Variants in KIAA1549 observed in about 807,000 individuals in gnomAD.
KIAA1549 encodes the protein KIAA1549.
A neutral mutation model predicts 156.4 loss-of-function variants in KIAA1549; 70 were observed. That is an observed-to-expected ratio of 0.45 (90% confidence interval 0.37 to 0.55). The LOEUF (loss-of-function observed/expected upper bound fraction) is 0.55. KIAA1549 is among the 20% of genes least tolerant of loss of function. The pLI is 0.00. For missense variants in KIAA1549, 2,428 were observed against 2,540.9 expected (o/e 0.96, Z 0.96); for synonymous variants, 1,103 against 1,066.4 (o/e 1.03, Z -0.67).
At chr7:138,863,879 T>C (rs1269647038) in intron 15 of KIAA1549, among the ~76,000 whole-genome samples, 1 of 152,194 alleles carries the variant, frequency 6.6e-6, no homozygotes. Context: ...ATTGAGAATC[T>C]GGGGCCCCAA....
chr7:138,883,297 G>A (rs981045152), intron 10 of KIAA1549, among the ~76,000 whole-genome samples: 4 of 137,506 alleles, frequency 2.9e-5, no homozygotes, highest in Non-Finnish European at 6.3e-5. Flanking sequence ...AAAGCCATTT[G>A]TTATTGTTCA....
chr7:138,861,645 A>C (rs1004810417), intron 15 of KIAA1549, among the ~76,000 whole-genome samples, 189 bp from the exon 16 acceptor site: 2 of 148,826 alleles, frequency 1.3e-5, no homozygotes, highest in African/African-American at 5.0e-5. Context: ...TGAGGCCAGG[A>C]GTTCGAGACC....
Position 138,903,571 on chromosome 7 carries a change from C to T in KIAA1549, c.3669+17G>A, listed in dbSNP as rs1428983754. 7 of 1,611,568 alleles carry T rather than the reference C, an allele frequency of 4.3e-6. No individual in the cohort carries two copies. In the African/African-American group the frequency reaches 8.0e-5, roughly 18 times the overall value. ...TCTCCCTCTCTCTCCTTCCCCTCCT[C>T]CTTTGATGTGGAGTACCTGCACCAC... On this transcript the variant is annotated intron_variant, in intron 8 of 19. Coordinates refer to ENST00000422774, the MANE Select transcript of KIAA1549 (RefSeq NM_001164665.2).
At chr7:138,896,197 A>C (rs916568073) in intron 9 of KIAA1549, among the ~76,000 whole-genome samples, 4 of 152,236 alleles carry the variant, frequency 2.6e-5, no homozygotes, top group Non-Finnish European at 5.9e-5. Context: ...CTTAGTTTTC[A>C]TGGGCAGGGA....
At chr7:138,894,571 C>A in intron 9 of KIAA1549, 45 bp from the exon 10 acceptor site, 1 of 1,587,462 alleles carries the variant, frequency 6.3e-7, no homozygotes, top group Non-Finnish European at 8.6e-7. Context: ...CTTCTTCACT[C>A]ATGCACTAGA....
chr7:138,974,282 A>G (rs893411155), intron 1 of KIAA1549, among the ~76,000 whole-genome samples: 39 of 152,068 alleles, frequency 2.6e-4, no homozygotes, highest in Middle Eastern at 3.4e-3. Flanking sequence ...TTAACCCTTC[A>G]GTCACTGGAT....
Position 138,918,723 on chromosome 7 carries a change from C to T in KIAA1549, c.903G>A (p.Leu301=), listed in dbSNP as rs759660071. ...GCTGTGAGACCTCCCCCAAGGAGGG[C>T]AACGGTATAGTAATGCCGTCGCCTA... ...QPLGDGITIP[L]PSLGEVSQPP... is the part of the protein sequence containing the mutation. Residue 301 remains leucine, a synonymous_variant, in exon 2 of 20, where the codon TTG becomes TTA. Coordinates refer to ENST00000422774, the MANE Select transcript of KIAA1549 (RefSeq NM_001164665.2). The surrounding 1 kb of genome is among the most constrained non-coding windows in gnomAD (Gnocchi z 4.2). 4.2e-5 allele frequency: 68 copies of T among 1,613,736 alleles called. No homozygotes were observed. Among genetic ancestry groups the T allele is most frequent in the Non-Finnish European group, 5.5e-5 (65 of 1,179,890 alleles).
chr7:138,961,091 G>A (rs1000957995), intron 1 of KIAA1549, among the ~76,000 whole-genome samples: 22 of 152,326 alleles, frequency 1.4e-4, no homozygotes, highest in African/African-American at 4.3e-4. Flanking sequence ...ACTTGGATCC[G>A]GGTGACGGCC....
At chr7:138,839,238 G>T (rs969406160) in intron 19 of KIAA1549, among the ~76,000 whole-genome samples, 1 of 152,116 alleles carries the variant, frequency 6.6e-6, no homozygotes, top group East Asian at 1.9e-4. Context: ...GCACAGAAAT[G>T]CAACAGACAC....
chr7:138,840,758 C>G (rs112917265), intron 18 of KIAA1549, among the ~76,000 whole-genome samples: 1 of 152,168 alleles, frequency 6.6e-6, no homozygotes, highest in East Asian at 1.9e-4. Flanking sequence ...AGAAAGCCCA[C>G]GGGCTCCTCT....
intron 16 of KIAA1549, among the ~76,000 whole-genome samples, chr7:138,853,545 G>A (rs1810293635): frequency 1.3e-5 from 2 of 152,050 alleles, no homozygotes; most frequent in Admixed American, 6.6e-5. Flanking sequence ...AACATCCCTG[G>A]GCCTATTCCT....
At chr7:138,908,382 G>A (rs1812069151) in intron 5 of KIAA1549, among the ~76,000 whole-genome samples, 1 of 152,194 alleles carries the variant, frequency 6.6e-6, no homozygotes, top group East Asian at 1.9e-4. Flanking sequence ...TAAAAATTCA[G>A]TAGAGGGATT....
In KIAA1549 at chr7:138,879,616, C is replaced by G. The variant is rs1811186931; in HGVS notation, c.4267G>C (p.Glu1423Gln). 6.4e-7 allele frequency: 1 copy of G among 1,560,966 alleles called. No individual in the cohort carries two copies. Among genetic ancestry groups the G allele is most frequent in the South Asian group, 1.2e-5 (1 of 84,630 alleles). ...PSDADSTVSE[E>Q]SSERDAGDKT... ...TCTCCTGCGTCCCTCTCGCTGGACT[C>G]TTCACTGACCGTAGAGTCAGCATCT... Residue 1423 changes from glutamate (E) to glutamine (Q), a missense_variant, in exon 12 of 20, where the codon GAG becomes CAG. This residue lies in a region of KIAA1549 where 404 missense variants were observed against 417.0 expected (regional missense o/e 0.97). Coordinates refer to ENST00000422774, the MANE Select transcript of KIAA1549 (RefSeq NM_001164665.2).
chr7:138,874,383 G>C (rs1317158019), intron 12 of KIAA1549, among the ~76,000 whole-genome samples: 1 of 152,158 alleles, frequency 6.6e-6, no homozygotes, highest in African/African-American at 2.4e-5. Context: ...TAAGAGAGTA[G>C]ATTTTAAGTG....
At chr7:138,879,916 G>A (rs941859347) in intron 11 of KIAA1549, among the ~76,000 whole-genome samples, 1 of 152,164 alleles carries the variant, frequency 6.6e-6, no homozygotes, top group Admixed American at 6.5e-5. Flanking sequence ...CAGATAGGAG[G>A]AAGGTCCCAC....
chr7:138,909,744 C>T (rs1164849702), intron 4 of KIAA1549, among the ~76,000 whole-genome samples: 1 of 152,068 alleles, frequency 6.6e-6, no homozygotes, highest in Non-Finnish European at 1.5e-5. Context: ...ATCAGGAGTT[C>T]GAAACCAGCC....
At chr7:138,861,940 C>T (rs946220857) in intron 15 of KIAA1549, among the ~76,000 whole-genome samples, 7 of 151,874 alleles carry the variant, frequency 4.6e-5, no homozygotes, top group African/African-American at 1.7e-4. Context: ...GAGGCTTGAA[C>T]CAGAAAAAAA....
At chr7:138,843,000 C>T (rs1809967549) in intron 18 of KIAA1549, among the ~76,000 whole-genome samples, 2 of 152,114 alleles carry the variant, frequency 1.3e-5, no homozygotes, top group Non-Finnish European at 2.9e-5. Context: ...ACTGGAATTA[C>T]CAAATCAAAG....
In KIAA1549 at chr7:138,871,476, T is replaced by C. The variant is rs921461063; in HGVS notation, c.4346-114A>G. 14 of 828,160 alleles carry C rather than the reference T, an allele frequency of 1.7e-5. No individual in the cohort carries two copies. In the Admixed American group the frequency reaches 4.3e-4, roughly 26 times the overall value. The allele number at this position is 828,160 out of a possible 1,614,324, so 51.3% of individuals were successfully genotyped here. ...CTTTGGATGGGCCTCTGACCAAAAA[T>C]ACATCCCCACTGCAGTAGCAGAGTG... On this transcript the variant is annotated intron_variant, in intron 12 of 19. Transcript: ENST00000422774.
Sources: allele counts gnomAD v4.1 joint callset (sites outside exome capture counted in the v4.1 genomes callset), GRCh38; gene constraint gnomAD v4.1.1; regional missense constraint gnomAD v4.1.1; non-coding constraint Gnocchi (gnomAD v3.1); transcripts MANE v1.5; gene names NCBI Gene and HGNC (gene_info 2026-07-23, HGNC 2026-07-21).